The following AFF2 variants were observed in gnomAD, a reference collection of about 807,000 sequenced individuals.
AFF2 encodes the protein ALF transcription elongation factor 2, also known as AF4/FMR2 family member 2.
Under a neutral mutation model 76.9 loss-of-function variants are expected in AFF2, and 14 were observed. The ratio of observed to expected loss-of-function variants is 0.18; its 90% confidence interval spans 0.12 to 0.28. The LOEUF (loss-of-function observed/expected upper bound fraction) is 0.28, where lower values mean the gene tolerates loss of function less well. AFF2 is among the 10% of genes least tolerant of loss of function. The pLI, the probability that AFF2 is intolerant of heterozygous loss-of-function variation, is 1.00. For synonymous variants in AFF2, 398 were observed against 366.7 expected (o/e 1.09, Z -0.98); for missense variants, 868 against 1,001.1 (o/e 0.87, Z 1.79).
intron 3 of AFF2, among the ~76,000 whole-genome samples, chrX:148,768,286 C>T (rs922343557): frequency 5.5e-5 from 6 of 109,490 alleles, no homozygotes; most frequent in African/African-American, 1.0e-4. Flanking sequence ...GCATCTATCA[C>T]GCTGTAATAT....
At chrX:148,654,986 T>C (rs1309804062) in intron 2 of AFF2, among the ~76,000 whole-genome samples, 19 of 111,596 alleles carry the variant, frequency 1.7e-4, no homozygotes, top group African/African-American at 5.9e-4. Context: ...TTATTCTCCC[T>C]TCATAATTTT....
chrX:148,909,180 C>T (rs782601387), intron 9 of AFF2, among the ~76,000 whole-genome samples: 10 of 112,125 alleles, frequency 8.9e-5, no homozygotes, highest in East Asian at 2.8e-4. Context: ...CAAACAGATT[C>T]GCTCTTCACT....
chrX:148,672,626 C>T (rs113611241), intron 3 of AFF2, among the ~76,000 whole-genome samples: 46 of 112,201 alleles, frequency 4.1e-4, no homozygotes, highest in African/African-American at 1.4e-3. Flanking sequence ...GTTCATATTT[C>T]GAAAGTCTGG....
chrX:148,838,507 G>A (rs1557274030), intron 5 of AFF2, among the ~76,000 whole-genome samples: 3 of 111,822 alleles, frequency 2.7e-5, no homozygotes. Flanking sequence ...CTCCCCTGGG[G>A]AGTTGAGGAA....
At chrX:148,934,552 A>G (rs997822226) in intron 9 of AFF2, among the ~76,000 whole-genome samples, 2 of 112,505 alleles carry the variant, frequency 1.8e-5, no homozygotes, top group East Asian at 2.8e-4. Context: ...TAAATTTCAT[A>G]TAAGAATTAA....
Position 148,626,815 on chromosome X carries a change from A to G in AFF2, c.48-25184A>G, listed in dbSNP as rs1233391050. 4.3e-4 allele frequency among the ~76,000 whole-genome samples: 48 copies of G among 111,633 alleles called. 2 individuals are homozygous for G. The Admixed American group carries it at 4.4e-3, about 10-fold the overall frequency. ...CCCACCCTAAATTCAGAATGATTTC[A>G]TCTTGAGATTCTTAATTTAATGCGG... On this transcript the variant is annotated intron_variant, in intron 1 of 20. Transcript: ENST00000370460.
chrX:148,899,336 T>C (rs1323840732), intron 8 of AFF2, among the ~76,000 whole-genome samples: 1 of 112,245 alleles, frequency 8.9e-6, no homozygotes, highest in Non-Finnish European at 1.9e-5. Context: ...ATTCTGTTGG[T>C]ATTGATTTTA....
rs1454991836 is a variant in AFF2 at position 148,694,202 on chromosome X, G to A, written c.1041+31434G>A. Among the ~76,000 whole-genome samples the A allele has an allele frequency of 4.6e-5, 5 of 108,487 alleles. No individual in the cohort carries two copies. In the East Asian group the frequency reaches 1.5e-3, roughly 32 times the overall value. 94.2% of individuals were successfully genotyped at this position (108,487 alleles called of 115,157 possible). On this transcript the variant is annotated intron_variant, in intron 3 of 20. Transcript: ENST00000370460. ...GGGGGGGGGAGGGATAGCATTGGGA[G>A]ATATACCTAATGCTAGAGACGAGTT... is the stretch of plus-strand genomic sequence containing the variant.
intron 3 of AFF2, among the ~76,000 whole-genome samples, chrX:148,797,200 C>A (rs1057345661): frequency 9.0e-6 from 1 of 110,652 alleles, no homozygotes; most frequent in Non-Finnish European, 1.9e-5. Context: ...TCAAATTAAT[C>A]TGCTTTTGGG....
intron 3 of AFF2, among the ~76,000 whole-genome samples, chrX:148,743,644 C>A (rs1433425733): frequency 9.0e-6 from 1 of 110,884 alleles, no homozygotes; most frequent in Non-Finnish European, 1.9e-5. Flanking sequence ...TGCTGGAGGA[C>A]CCTGAATGCT....
intron 1 of AFF2, among the ~76,000 whole-genome samples, chrX:148,588,466 C>A (rs1309878407): frequency 1.8e-5 from 2 of 112,340 alleles, no homozygotes; most frequent in Non-Finnish European, 3.8e-5. Context: ...ATTCATGAAT[C>A]CTGGATTCCA....
intron 9 of AFF2, among the ~76,000 whole-genome samples, chrX:148,916,413 G>T (rs2071533324): frequency 9.3e-6 from 1 of 107,624 alleles, no homozygotes. Flanking sequence ...GGTTTCACCA[G>T]ATTAGCCAGG....
chrX:148,761,490 A>G (rs781786658), intron 3 of AFF2, among the ~76,000 whole-genome samples: 6 of 105,703 alleles, frequency 5.7e-5, no homozygotes, highest in South Asian at 4.1e-4. Flanking sequence ...TTTCATAAAA[A>G]CTTGGCCCAT....
chrX:148,676,335 C>G, intron 3 of AFF2, among the ~76,000 whole-genome samples: 1 of 111,827 alleles, frequency 8.9e-6, no homozygotes, highest in African/African-American at 3.3e-5. Context: ...CATGAGCCAC[C>G]ACGCCCGGCC....
At chrX:148,563,804 T>C (rs1284242296) in intron 1 of AFF2, among the ~76,000 whole-genome samples, 1 of 111,748 alleles carries the variant, frequency 8.9e-6, no homozygotes, top group Non-Finnish European at 1.9e-5. Flanking sequence ...TCAGCCTGGG[T>C]TATCTTCCAG....
intron 1 of AFF2, among the ~76,000 whole-genome samples, chrX:148,613,553 A>G (rs2053754814): frequency 1.8e-5 from 2 of 111,699 alleles, no homozygotes; most frequent in African/African-American, 6.5e-5. Flanking sequence ...AAAGAGTTCA[A>G]TAATGGGGTG....
At chrX:148,748,408 CA>C (rs1297284247) in intron 3 of AFF2, among the ~76,000 whole-genome samples, 1 of 112,099 alleles carries the variant, frequency 8.9e-6, no homozygotes, top group Non-Finnish European at 1.9e-5. Flanking sequence ...AGACAGCGTG[CA>C]GCCATGAGTG....
Position 148,500,865 on chromosome X carries a change from G to A in AFF2, c.-233G>A, listed in dbSNP as rs1312858698. On this transcript the variant is annotated 5_prime_UTR_variant, in exon 1 of 21. Transcript: ENST00000370460. ...ACCGCGGACCGAGCGGACCCGAGTG[G>A]GCGACCAGGCGCTTGCCCGCCCAGT... 20 of 328,886 alleles carry A rather than the reference G, an allele frequency of 6.1e-5. No homozygotes were observed. The highest frequency in any genetic ancestry group is 1.0e-4 in the Non-Finnish European group (20 of 194,832). The allele number at this position is 328,886 out of a possible 1,213,427, so 27.1% of individuals were successfully genotyped here.
rs1444722942 is a variant in AFF2, at chrX:148,995,070, G to A, written c.*3738G>A. ...ATTCAGCACCCCCAAATTTAATTCT[G>A]TGGGGAAAAATTATTGAGCCAGTTG... On this transcript the variant is annotated 3_prime_UTR_variant, in exon 21 of 21. Transcript: ENST00000370460. 8.9e-6 allele frequency: 1 copy of A among 112,176 alleles called. No individual in the cohort carries two copies. Among genetic ancestry groups the A allele is most frequent in the African/African-American group, 3.2e-5 (1 of 30,784 alleles). The allele number at this position is 112,176 out of a possible 1,213,427, so 9.2% of individuals were successfully genotyped here. A position where few individuals can be genotyped will look rare whatever the true frequency, so the allele number is the denominator to read the frequency against.
Sources: allele counts gnomAD v4.1 joint callset (sites outside exome capture counted in the v4.1 genomes callset), GRCh38; gene constraint gnomAD v4.1.1; transcripts MANE v1.5; gene names NCBI Gene and HGNC (gene_info 2026-07-23, HGNC 2026-07-21).